TMEM132B: variants seen among roughly 807,000 people sequenced by gnomAD.
TMEM132B encodes the protein transmembrane protein 132B.
TMEM132B carries 18 observed loss-of-function variants against 90.8 expected under a neutral mutation model. The ratio of observed to expected loss-of-function variants is 0.20; its 90% confidence interval spans 0.14 to 0.29. The LOEUF is 0.29. Ranked by LOEUF, TMEM132B falls within the 10% of genes least tolerant of loss-of-function variation. The pLI is 1.00. For synonymous variants in TMEM132B, 504 were observed against 523.3 expected, an observed-to-expected ratio of 0.96 and a Z score of 0.50; for missense variants, 1,096 against 1,326.8, an observed-to-expected ratio of 0.83 and a Z score of 2.70.
chr12:125,411,082 TGGAGTGGA>T (rs1879803513), intron 2 of TMEM132B, among the ~76,000 whole-genome samples: 1 of 8,996 alleles, frequency 1.1e-4, no homozygotes, highest in African/African-American at 7.0e-4. Context: ...GTGAGTGGAG[TGGAGTGGA>T]GGAGTGGAGT....
chr12:125,626,820 A>G (rs1198590762), intron 5 of TMEM132B, among the ~76,000 whole-genome samples: 1 of 151,998 alleles, frequency 6.6e-6, no homozygotes, highest in Non-Finnish European at 1.5e-5. Flanking sequence ...ACCTTCTTGG[A>G]TCTGTGTTTT....
At chr12:125,289,404 C>T (rs1266789619) in intron 1 of TMEM132B, among the ~76,000 whole-genome samples, 1 of 152,162 alleles carries the variant, frequency 6.6e-6, no homozygotes, top group Non-Finnish European at 1.5e-5. Flanking sequence ...GATCATCATC[C>T]CCATTTTACA....
chr12:125,338,006 T>C (rs1199603783), intron 1 of TMEM132B, among the ~76,000 whole-genome samples: 1 of 152,246 alleles, frequency 6.6e-6, no homozygotes, highest in African/African-American at 2.4e-5. Context: ...GCTCTCTCTA[T>C]AAAAGATGAG....
In TMEM132B at chr12:125,225,277, G is replaced by A. The variant is rs116533023; in HGVS notation, c.67+38411G>A. On this transcript the variant is annotated intron_variant, in intron 1 of 8. Transcript: ENST00000682704. Reference sequence around the variant, plus strand: ...AGCAGGGTGAGAGGTTACTGGCCACGTAAGCAGGACCAGCCGCACCATTTG... The same window carrying A: ...AGCAGGGTGAGAGGTTACTGGCCACATAAGCAGGACCAGCCGCACCATTTG... 2.0e-5 allele frequency among the ~76,000 whole-genome samples: 3 copies of A among 152,238 alleles called. No individual in the cohort carries two copies. In the South Asian group the frequency reaches 6.2e-4, roughly 31 times the overall value.
chr12:125,441,592 G>A (rs1880873213), intron 3 of TMEM132B, among the ~76,000 whole-genome samples: 1 of 152,186 alleles, frequency 6.6e-6, no homozygotes, highest in African/African-American at 2.4e-5. Flanking sequence ...GCCCCTCCAG[G>A]CCCTTAGGTC....
intron 3 of TMEM132B, among the ~76,000 whole-genome samples, chr12:125,502,157 C>T (rs1016183387): frequency 1.3e-5 from 2 of 152,186 alleles, no homozygotes; most frequent in Admixed American, 6.5e-5. Flanking sequence ...TGTCCTCTGC[C>T]ACTGAAATCT....
At chr12:125,363,788 C>G (rs1307128313) in intron 2 of TMEM132B, among the ~76,000 whole-genome samples, 1 of 152,182 alleles carries the variant, frequency 6.6e-6, no homozygotes, top group Non-Finnish European at 1.5e-5. Context: ...AGGGTTTGGA[C>G]TCAGGTCTTC....
At chr12:125,529,866 C>T (rs2136692417) in intron 4 of TMEM132B, among the ~76,000 whole-genome samples, 1 of 152,330 alleles carries the variant, frequency 6.6e-6, no homozygotes, top group Non-Finnish European at 1.5e-5. Context: ...CTGCCTCACC[C>T]AAATGAATGA....
At chr12:125,548,942 G>C (rs1055142880) in intron 4 of TMEM132B, among the ~76,000 whole-genome samples, 4 of 152,178 alleles carry the variant, frequency 2.6e-5, no homozygotes, top group African/African-American at 9.7e-5. Flanking sequence ...CCAGTTTCCT[G>C]TGTTACCCTG....
intron 4 of TMEM132B, among the ~76,000 whole-genome samples, chr12:125,575,387 C>T (rs79701327): frequency 0.021 from 3,129 of 151,862 alleles, 118 homozygotes; most frequent in African/African-American, 0.072. Flanking sequence ...CTATTCAAAT[C>T]CTATCCCCTC....
chr12:125,231,081 C>T (rs530514992), intron 1 of TMEM132B, among the ~76,000 whole-genome samples: 3 of 152,264 alleles, frequency 2.0e-5, no homozygotes, highest in Admixed American at 6.5e-5. Context: ...GTGCTCCCTC[C>T]GGAGGCTCTA....
chr12:125,645,219 A>C (rs1277487240), intron 6 of TMEM132B, among the ~76,000 whole-genome samples: 1 of 44,936 alleles, frequency 2.2e-5, no homozygotes, highest in Admixed American at 2.8e-4. Flanking sequence ...CTCCGTCTCA[A>C]AAAAAAAAAA....
Position 125,659,569 on chromosome 12 carries a change from A to G in TMEM132B, c.*4859A>G, listed in dbSNP as rs12425504. ...GTTTCAGCTGAAAGATGGGTGGTAC[A>G]CTTGCCAAGTGCCTAGAGGGGCTAG... is the stretch of plus-strand genomic sequence containing the variant. On this transcript the variant is annotated 3_prime_UTR_variant, in exon 9 of 9. Coordinates refer to ENST00000682704, the MANE Select transcript of TMEM132B (RefSeq NM_001366854.1). The G allele has an allele frequency of 0.41, 62,545 of 152,046 alleles. 13,858 individuals carry two copies. Among genetic ancestry groups the G allele is most frequent in the East Asian group, 0.65 (3,344 of 5,160 alleles). The allele number at this position is 152,046 out of a possible 1,614,324, so 9.4% of individuals were successfully genotyped here. A position where few individuals can be genotyped will look rare whatever the true frequency, so the allele number is the denominator to read the frequency against.
chr12:125,419,407 C>T lies in TMEM132B; in HGVS notation c.1106+3730C>T, dbSNP rs544009707. ...GCTGAAGGCGAATAAGGAGCAAAGT[C>T]ACATCTTACATGGTGGCAAGTAAGA... On this transcript the variant is annotated intron_variant, in intron 3 of 8. Coordinates refer to ENST00000682704, the MANE Select transcript of TMEM132B (RefSeq NM_001366854.1). 2.6e-5 allele frequency among the ~76,000 whole-genome samples: 4 copies of T among 152,332 alleles called. No homozygotes were observed. The South Asian group carries it at 8.3e-4, about 32-fold the overall frequency.
chr12:125,513,538 C>G (rs1450583963), intron 3 of TMEM132B, among the ~76,000 whole-genome samples: 1 of 152,170 alleles, frequency 6.6e-6, no homozygotes, highest in Admixed American at 6.5e-5. Context: ...TGGCAGCCTT[C>G]AAACAAAGAC....
chr12:125,580,159 T>G (rs1157716322), intron 4 of TMEM132B, among the ~76,000 whole-genome samples: 1 of 152,346 alleles, frequency 6.6e-6, no homozygotes, highest in East Asian at 1.9e-4. Flanking sequence ...TTCCTGTGTA[T>G]GAGCACAGCT....
chr12:125,287,629 C>T (rs988194561), intron 1 of TMEM132B, among the ~76,000 whole-genome samples: 3 of 152,102 alleles, frequency 2.0e-5, no homozygotes, highest in South Asian at 4.1e-4. Context: ...GGACAAAAAA[C>T]GCAAACCACA....
In TMEM132B at chr12:125,407,120, A is replaced by C. The variant is rs1389001050; in HGVS notation, c.960-8411A>C. 6.6e-6 allele frequency among the ~76,000 whole-genome samples: 1 copy of C among 152,216 alleles called. No individual in the cohort carries two copies. Among genetic ancestry groups the C allele is most frequent in the Non-Finnish European group, 1.5e-5 (1 of 68,046 alleles). ...GACTCTCCAGTCCCTCCAGTGGTCA[A>C]GCAGATCCCATGTGGCCCAAGCCTC... On this transcript the variant is annotated intron_variant, in intron 2 of 8. Coordinates refer to ENST00000682704, the MANE Select transcript of TMEM132B (RefSeq NM_001366854.1). The surrounding 1 kb of genome is among the most constrained non-coding windows in gnomAD (Gnocchi z 6.7).
At chr12:125,243,029 A>G (rs981084208) in intron 1 of TMEM132B, among the ~76,000 whole-genome samples, 1 of 142,316 alleles carries the variant, frequency 7.0e-6, no homozygotes, top group Admixed American at 7.1e-5. Flanking sequence ...ATATATATAT[A>G]TATACACACA....
Sources: gnomAD v4.1 joint callset for allele counts (sites outside exome capture counted in the v4.1 genomes callset) on GRCh38, gnomAD v4.1.1 for gene constraint, Gnocchi (gnomAD v3.1) non-coding constraint, MANE v1.5 for transcripts, NCBI Gene and HGNC (gene_info 2026-07-23, HGNC 2026-07-21) for gene names.